CDH20: variants seen among roughly 807,000 people sequenced by gnomAD.
CDH20 encodes cadherin-20.
CDH20 carries 29 observed loss-of-function variants against 74.2 expected under a neutral mutation model. That is an observed-to-expected ratio of 0.39 (90% CI 0.29 to 0.53). The LOEUF is 0.53. CDH20 is among the 20% of genes least tolerant of loss of function. The pLI is 0.69. For missense variants in CDH20, 988 were observed against 1,048.3 expected (o/e 0.94, Z 0.79); for synonymous variants, 469 against 405.4 (o/e 1.16, Z -1.88).
chr18:61,378,151 G>A (rs866122118), intron 1 of CDH20, among the ~76,000 whole-genome samples: 1 of 152,152 alleles, frequency 6.6e-6, no homozygotes, highest in African/African-American at 2.4e-5. Context: ...TTAAATACTT[G>A]TATGGGCATT....
intron 9 of CDH20, among the ~76,000 whole-genome samples, chr18:61,543,320 T>A (rs1455806823): frequency 6.6e-6 from 1 of 152,196 alleles, no homozygotes; most frequent in African/African-American, 2.4e-5. Context: ...GAAGCACAGC[T>A]GGCTTTTAAA....
intron 1 of CDH20, among the ~76,000 whole-genome samples, chr18:61,388,080 C>T (rs918442678): frequency 2.0e-5 from 3 of 152,114 alleles, no homozygotes; most frequent in African/African-American, 4.8e-5. Context: ...GCTATACCTA[C>T]AGTGCAAAGT....
Position 61,528,117 on chromosome 18 carries a change from G to A in CDH20, c.1168G>A (p.Glu390Lys). 1 of 1,614,160 alleles carries A rather than the reference G, an allele frequency of 6.2e-7. No homozygotes were observed. The part of the protein sequence containing the change: ...VEDVDEPPVF[E>K]PGFYFVEVPE... ...AGACGTGGACGAGCCCCCTGTGTTT[G>A]AACCTGGCTTTTACTTTGTGGAGGT... The change falls in exon 7 of 12, where the codon GAA becomes AAA. Residue 390 changes from glutamate to lysine, a missense_variant. Glu to Lys is a moderately conservative substitution (Grantham distance 56). This residue lies in a region of CDH20 where 613 missense variants were observed against 755.2 expected (regional missense o/e 0.81). Transcript: ENST00000262717.
intron 1 of CDH20, among the ~76,000 whole-genome samples, chr18:61,423,185 A>T (rs572457732): frequency 6.6e-6 from 1 of 152,344 alleles, no homozygotes; most frequent in East Asian, 1.9e-4. Context: ...TGTGGTCAGT[A>T]GCGTCAGATC....
intron 1 of CDH20, among the ~76,000 whole-genome samples, chr18:61,471,619 C>T (rs920243621): frequency 2.0e-5 from 3 of 152,048 alleles, no homozygotes; most frequent in Admixed American, 6.5e-5. Flanking sequence ...GAACTCCACA[C>T]GTAGAAGCAA....
At chr18:61,542,534 C>T (rs1396994783) in intron 9 of CDH20, among the ~76,000 whole-genome samples, 3 of 152,188 alleles carry the variant, frequency 2.0e-5, no homozygotes, top group African/African-American at 7.2e-5. Context: ...AGAGTTTCCC[C>T]AAGTTGAGAT....
At chr18:61,540,438 C>T (rs970700323) in intron 9 of CDH20, among the ~76,000 whole-genome samples, 3 of 152,170 alleles carry the variant, frequency 2.0e-5, no homozygotes, top group East Asian at 3.9e-4. Flanking sequence ...CACAGTTCCA[C>T]GTGGCTGGGG....
At chr18:61,400,769 C>T (rs1434663310) in intron 1 of CDH20, among the ~76,000 whole-genome samples, 2 of 152,150 alleles carry the variant, frequency 1.3e-5, no homozygotes, top group African/African-American at 4.8e-5. Flanking sequence ...GGAAGTTATT[C>T]ATCTTGGACC....
chr18:61,448,222 A>G (rs1163468722), intron 1 of CDH20, among the ~76,000 whole-genome samples: 1 of 152,214 alleles, frequency 6.6e-6, no homozygotes, highest in Non-Finnish European at 1.5e-5. Flanking sequence ...ACTCCTCTCA[A>G]TTTTGAGGGG....
At chr18:61,334,823 G>A (rs1022212588) in intron 1 of CDH20, among the ~76,000 whole-genome samples, 2 of 152,250 alleles carry the variant, frequency 1.3e-5, no homozygotes, top group African/African-American at 4.8e-5. Flanking sequence ...AGTTTACTAT[G>A]TTGTTGCTAT....
At chr18:61,425,028 C>A (rs987699161) in intron 1 of CDH20, among the ~76,000 whole-genome samples, 3 of 145,254 alleles carry the variant, frequency 2.1e-5, no homozygotes, top group Admixed American at 7.3e-5. Flanking sequence ...CTCTCTCTCC[C>A]ACTTCCCCGC....
chr18:61,452,513 T>C (rs1359854910), intron 1 of CDH20, among the ~76,000 whole-genome samples: 9 of 152,222 alleles, frequency 5.9e-5, no homozygotes, highest in Non-Finnish European at 1.0e-4. Context: ...GGTCATTGTA[T>C]TGAAAAGTGA....
At chr18:61,389,878 G>C (rs777793332) in intron 1 of CDH20, among the ~76,000 whole-genome samples, 1 of 152,126 alleles carries the variant, frequency 6.6e-6, no homozygotes, top group African/African-American at 2.4e-5. Flanking sequence ...GATCCTGCAA[G>C]CATCTCCTTT....
intron 1 of CDH20, among the ~76,000 whole-genome samples, chr18:61,428,399 T>C (rs901699014): frequency 6.6e-6 from 1 of 152,180 alleles, no homozygotes. Flanking sequence ...CCCTGGAACA[T>C]CATGGGCCAT....
intron 1 of CDH20, among the ~76,000 whole-genome samples, chr18:61,335,281 T>C (rs952261611): frequency 1.3e-5 from 2 of 152,162 alleles, no homozygotes; most frequent in Non-Finnish European, 2.9e-5. Context: ...AGGATTCAGG[T>C]CCTGACACTG....
At position 61,442,616 on chromosome 18, in the gene CDH20, ACT is replaced by A. The variant is rs1008722392; in HGVS notation, c.-152-47783_-152-47782del. ...CCAATGGGAAAATGGCATCAAAAAG[ACT>A]CTAACTAAAACTGCAGACTATTATG... On this transcript the variant is annotated intron_variant, in intron 1 of 11. Transcript: ENST00000262717. Among the ~76,000 whole-genome samples the A allele has an allele frequency of 3.4e-4, 51 of 152,190 alleles. 1 individual carries two copies. Among genetic ancestry groups the A allele is most frequent in the African/African-American group, 1.2e-3 (50 of 41,550 alleles).
chr18:61,517,369 A>G (rs562601609), intron 6 of CDH20, among the ~76,000 whole-genome samples: 10 of 152,316 alleles, frequency 6.6e-5, no homozygotes, highest in African/African-American at 2.2e-4. Flanking sequence ...TGATTTCTGC[A>G]TTTCCATCTG....
intron 1 of CDH20, among the ~76,000 whole-genome samples, chr18:61,459,771 G>C (rs1909705018): frequency 6.6e-6 from 1 of 150,808 alleles, no homozygotes; most frequent in Non-Finnish European, 1.5e-5. Context: ...CCTTCCCTGG[G>C]AAGATGGAAA....
chr18:61,509,826 T>A (rs979798159), intron 6 of CDH20, among the ~76,000 whole-genome samples: 1 of 151,966 alleles, frequency 6.6e-6, no homozygotes, highest in Non-Finnish European at 1.5e-5. Context: ...ATGGAGGTGA[T>A]AAGAAGTGGT....
Sources: allele counts gnomAD v4.1 joint callset (sites outside exome capture counted in the v4.1 genomes callset), GRCh38; gene constraint gnomAD v4.1.1; regional missense constraint gnomAD v4.1.1; transcripts MANE v1.5; gene names NCBI Gene and HGNC (gene_info 2026-07-23, HGNC 2026-07-21).